Variants in SNAPC3 observed in about 807,000 individuals in gnomAD.
SNAPC3 encodes the protein snRNA-activating protein complex subunit 3.
A neutral mutation model predicts 47.7 loss-of-function variants in SNAPC3; 56 were observed. That is an observed-to-expected ratio of 1.18 (90% CI 0.95 to 1.47). The LOEUF is 1.47. Ranked by LOEUF, SNAPC3 falls within the 40% of genes most tolerant of loss-of-function variation. The pLI is 0.00. For synonymous variants in SNAPC3, 235 were observed against 189.9 expected, an observed-to-expected ratio of 1.24 and a Z score of -1.95; for missense variants, 665 against 511.3, an observed-to-expected ratio of 1.30 and a Z score of -2.90.
intron 1 of SNAPC3, 22 bp downstream of exon 1, chr9:15,423,215 T>C (rs2030815499): frequency 6.4e-7 from 1 of 1,555,584 alleles, no homozygotes. Context: ...GCAAAGGGGC[T>C]CTTGCAGCTT....
In SNAPC3 at chr9:15,455,775, C is replaced by T. The variant is rs138319005; in HGVS notation, c.981-2185C>T. Among the ~76,000 whole-genome samples, 23 of 152,040 alleles carry T rather than the reference C, an allele frequency of 1.5e-4. 1 individual carries two copies. The East Asian group carries it at 2.5e-3, about 17-fold the overall frequency. The stretch of plus-strand genomic sequence containing the variant: ...ATGCAGTGGCATGATCTCAGCTCAC[C>T]GCAACCTCTGTCTCCTAGGTTGAAG... On this transcript the variant is annotated intron_variant, in intron 7 of 8. Transcript: ENST00000380821.
chr9:15,460,624 C>T lies in SNAPC3; in HGVS notation c.*758C>T, dbSNP rs760907879. ...CAGGCTGGTCTCAAACTCCTAACCTCAGGCGATCCACCCGCCTAAGCCTCC... is the reference window on the plus strand; with the variant it reads ...CAGGCTGGTCTCAAACTCCTAACCTTAGGCGATCCACCCGCCTAAGCCTCC... On this transcript the variant is annotated 3_prime_UTR_variant, in exon 9 of 9. Transcript: ENST00000380821. 1 of 152,276 alleles carries T rather than the reference C, an allele frequency of 6.6e-6. No homozygotes were observed. The highest frequency in any genetic ancestry group is 1.5e-5 in the Non-Finnish European group (1 of 68,076). 9.4% of individuals were successfully genotyped at this position (152,276 alleles called of 1,614,324 possible). A position where few individuals can be genotyped will look rare whatever the true frequency, so the allele number is the denominator to read the frequency against.
chr9:15,447,053 C>CT, intron 4 of SNAPC3, 42 bp from the exon 5 acceptor site: 1 of 1,566,720 alleles, frequency 6.4e-7, no homozygotes, highest in Non-Finnish European at 8.8e-7. Context: ...AGTTTTATCG[C>CT]TTTGTCTCTA....
downstream of SNAPC3, chr9:15,466,651 TA>T: frequency 3.3e-6 from 3 of 904,772 alleles, no homozygotes; most frequent in Non-Finnish European, 4.9e-6. Context: ...GATCAAAAGA[TA>T]ACTGCTTATT....
intron 5 of SNAPC3, among the ~76,000 whole-genome samples, chr9:15,448,599 C>T (rs1736454585): frequency 6.6e-6 from 1 of 152,152 alleles, no homozygotes. Flanking sequence ...GTCTGCTCCA[C>T]AGGCTGACTA....
chr9:15,452,858 T>C (rs2034494569), intron 6 of SNAPC3, among the ~76,000 whole-genome samples, 183 bp from the exon 7 acceptor site: 1 of 152,244 alleles, frequency 6.6e-6, no homozygotes, highest in South Asian at 2.1e-4. Context: ...ACTGATCCCT[T>C]ATGAAAATTC....
intron 3 of SNAPC3, among the ~76,000 whole-genome samples, chr9:15,441,996 C>T (rs1048462840): frequency 5.3e-5 from 8 of 152,008 alleles, no homozygotes; most frequent in Admixed American, 6.5e-5. Context: ...CCCCACCTCC[C>T]GGACAGGGCG....
chr9:15,428,003 C>G (rs530058755), intron 2 of SNAPC3, among the ~76,000 whole-genome samples: 22 of 149,452 alleles, frequency 1.5e-4, no homozygotes, highest in Non-Finnish European at 2.2e-4. Context: ...CCCAGCTACT[C>G]GGGAGGCTGA....
chr9:15,463,740 G>A (rs533724583), downstream of SNAPC3: 9 of 152,208 alleles, frequency 5.9e-5, no homozygotes, highest in Admixed American at 1.3e-4. Flanking sequence ...TGCTTGAAGC[G>A]AACATACATC....
At chr9:15,435,342 G>T (rs1314464826) in intron 3 of SNAPC3, among the ~76,000 whole-genome samples, 2 of 152,196 alleles carry the variant, frequency 1.3e-5, no homozygotes, top group Non-Finnish European at 2.9e-5. Context: ...GGAGGCCGAG[G>T]TGGGTGGATC....
chr9:15,443,653 A>G (rs1463091278), intron 3 of SNAPC3, among the ~76,000 whole-genome samples: 2 of 152,190 alleles, frequency 1.3e-5, no homozygotes, highest in Admixed American at 6.5e-5. Context: ...GCTGCCACCA[A>G]GAGGGTCAAA....
intron 4 of SNAPC3, among the ~76,000 whole-genome samples, chr9:15,445,089 G>A (rs923352929): frequency 2.0e-5 from 3 of 152,144 alleles, no homozygotes; most frequent in Non-Finnish European, 2.9e-5. Flanking sequence ...GTGAGACCCT[G>A]TCTAATAAAT....
At chr9:15,437,926 G>C (rs1403956778) in intron 3 of SNAPC3, among the ~76,000 whole-genome samples, 1 of 152,130 alleles carries the variant, frequency 6.6e-6, no homozygotes, top group African/African-American at 2.4e-5. Context: ...TATTTATAAA[G>C]GGATATTGGC....
downstream of SNAPC3, chr9:15,463,503 T>TA: frequency 1.4e-4 from 1 of 6,996 alleles, no homozygotes; most frequent in African/African-American, 6.0e-4. Context: ...AGGGGTGGGG[T>TA]GGGGTGGGGT....
rs1181149578 is a variant in SNAPC3, at chr9:15,459,914, T to C, written c.*48T>C. 3 of 1,536,602 alleles carry C rather than the reference T, an allele frequency of 2.0e-6. No individual in the cohort carries two copies. Among genetic ancestry groups the C allele is most frequent in the Non-Finnish European group, 2.7e-6 (3 of 1,123,430 alleles). ...ACCCCCTCATGAAATAACTGTTCTC[T>C]TGGATGGTTACCTTATTTCTAAGAA... On this transcript the variant is annotated 3_prime_UTR_variant, in exon 9 of 9. Transcript: ENST00000380821.
At chr9:15,432,618 T>C (rs1039331455) in intron 2 of SNAPC3, among the ~76,000 whole-genome samples, 8 of 152,120 alleles carry the variant, frequency 5.3e-5, no homozygotes, top group African/African-American at 1.7e-4. Flanking sequence ...AACAACAAAA[T>C]AGTGATAGTA....
chr9:15,428,285 C>A (rs2031707573), intron 2 of SNAPC3, among the ~76,000 whole-genome samples: 1 of 151,920 alleles, frequency 6.6e-6, no homozygotes, highest in South Asian at 2.1e-4. Flanking sequence ...TGCAGATAAT[C>A]AGGAAATAAC....
chr9:15,464,541 GAATCTAGAA>G (rs1313245831), downstream of SNAPC3: 1 of 199,990 alleles, frequency 5.0e-6, no homozygotes, highest in Non-Finnish European at 1.0e-5. Flanking sequence ...TGTATTTTTG[GAATCTAGAA>G]AATAAAAACA....
At position 15,451,790 on chromosome 9, in the gene SNAPC3, C is replaced by T. The variant is rs540959224; in HGVS notation, c.815+388C>T. Among the ~76,000 whole-genome samples, 26 of 152,188 alleles carry T rather than the reference C, an allele frequency of 1.7e-4. 1 individual carries two copies. Among genetic ancestry groups the T allele is most frequent in the Middle Eastern group, 3.4e-3 (1 of 294 alleles). Reference sequence around the variant, plus strand: ...GTAATAGTGGCAAATTAACCTTTCACTATTTTTTCTGCCTATCCAGCATAT... The same window carrying T: ...GTAATAGTGGCAAATTAACCTTTCATTATTTTTTCTGCCTATCCAGCATAT... On this transcript the variant is annotated intron_variant, in intron 6 of 8. Transcript: ENST00000380821.
Sources: gnomAD v4.1 joint callset for allele counts (sites outside exome capture counted in the v4.1 genomes callset) on GRCh38, gnomAD v4.1.1 for gene constraint, MANE v1.5 for transcripts, NCBI Gene and HGNC (gene_info 2026-07-23, HGNC 2026-07-21) for gene names.